ASTN1: variants seen among roughly 807,000 people sequenced by gnomAD.
ASTN1 encodes the protein astrotactin-1.
Under a neutral mutation model 140.7 loss-of-function variants are expected in ASTN1, and 41 were observed. That is an observed-to-expected ratio of 0.29 (90% CI 0.23 to 0.38). ASTN1 has a LOEUF of 0.38. Ranked by LOEUF, ASTN1 falls within the 10% of genes least tolerant of loss-of-function variation. The pLI is 1.00. For synonymous variants in ASTN1, 640 were observed against 652.2 expected, an observed-to-expected ratio of 0.98 and a Z score of 0.29; for missense variants, 1,479 against 1,678.8, an observed-to-expected ratio of 0.88 and a Z score of 2.08.
At chr1:177,082,257 C>T (rs1679216868) in intron 1 of ASTN1, among the ~76,000 whole-genome samples, 1 of 151,874 alleles carries the variant, frequency 6.6e-6, no homozygotes, top group African/African-American at 2.4e-5. Flanking sequence ...AGATGAGGAC[C>T]CCAGGATGAT....
chr1:177,056,395 C>T (rs1180220927), intron 2 of ASTN1, among the ~76,000 whole-genome samples: 1 of 152,066 alleles, frequency 6.6e-6, no homozygotes, highest in Non-Finnish European at 1.5e-5. Flanking sequence ...CAGGCTAAGG[C>T]CTCTGATGGC....
chr1:177,021,237 T>C (rs111294408), intron 7 of ASTN1, among the ~76,000 whole-genome samples: 2 of 152,318 alleles, frequency 1.3e-5, no homozygotes, highest in African/African-American at 4.8e-5. Context: ...TGGGAGATTA[T>C]TTTTAGTCTT....
Position 176,862,050 on chromosome 1 carries a change from G to A in ASTN1, c.*2234C>T. On this transcript the variant is annotated 3_prime_UTR_variant, in exon 23 of 23. Coordinates refer to ENST00000361833, the MANE Select transcript of ASTN1 (RefSeq NM_004319.3). ...GTGTTCTGCACAGATATGAATAGAA[G>A]GATGGCAAAACAGTAGCAGCAAAGA... is the stretch of plus-strand genomic sequence containing the variant. 3.0e-6 allele frequency: 3 copies of A among 985,372 alleles called. No individual in the cohort carries two copies. The highest frequency in any genetic ancestry group is 9.4e-5 in the South Asian group (2 of 21,280). 61.0% of individuals were successfully genotyped at this position (985,372 alleles called of 1,614,324 possible). A position where few individuals can be genotyped will look rare whatever the true frequency, so the allele number is the denominator to read the frequency against.
intron 8 of ASTN1, among the ~76,000 whole-genome samples, chr1:176,983,580 CCTTAT>C (rs1265013116): frequency 6.6e-6 from 1 of 152,124 alleles, no homozygotes; most frequent in African/African-American, 2.4e-5. Context: ...CACTCACTTC[CCTTAT>C]CTTTCCTAGG....
intron 22 of ASTN1, among the ~76,000 whole-genome samples, chr1:176,866,859 T>C (rs1010124468): frequency 1.3e-5 from 2 of 152,176 alleles, no homozygotes; most frequent in Non-Finnish European, 2.9e-5. Flanking sequence ...CATAGACCCT[T>C]TTCTACTCAT....
At chr1:177,055,042 A>G (rs1475476385) in intron 2 of ASTN1, among the ~76,000 whole-genome samples, 2 of 152,202 alleles carry the variant, frequency 1.3e-5, no homozygotes, top group African/African-American at 4.8e-5. Flanking sequence ...GTACAACTCT[A>G]TTACAGAGAA....
At chr1:176,922,556 CAAAAAAAA>C (rs71129589) in intron 16 of ASTN1, among the ~76,000 whole-genome samples, 57 of 77,598 alleles carry the variant, frequency 7.3e-4, no homozygotes, top group African/African-American at 2.7e-3. Flanking sequence ...GCCCCCACTG[CAAAAAAAA>C]AAAAAAAAAA....
intron 14 of ASTN1, among the ~76,000 whole-genome samples, chr1:176,939,259 C>T (rs1232188040): frequency 3.9e-5 from 6 of 152,182 alleles, no homozygotes; most frequent in Non-Finnish European, 8.8e-5. Flanking sequence ...TTAATTGGTG[C>T]TTTTGTTATA....
At chr1:177,005,304 T>C (rs1428064125) in intron 8 of ASTN1, among the ~76,000 whole-genome samples, 1 of 152,136 alleles carries the variant, frequency 6.6e-6, no homozygotes, top group Non-Finnish European at 1.5e-5. Context: ...AGAATGGCCA[T>C]TATTAAAAAG....
intron 7 of ASTN1, among the ~76,000 whole-genome samples, chr1:177,015,177 G>T (rs1308254134): frequency 6.6e-6 from 1 of 152,060 alleles, no homozygotes; most frequent in Non-Finnish European, 1.5e-5. Flanking sequence ...TTGAGGAAAA[G>T]GACTTTTTCA....
intron 1 of ASTN1, among the ~76,000 whole-genome samples, chr1:177,100,788 G>A (rs1442726522): frequency 6.6e-6 from 1 of 152,064 alleles, no homozygotes; most frequent in Non-Finnish European, 1.5e-5. Context: ...TAACATAACC[G>A]TTCCTTTAAA....
At chr1:177,071,928 C>T (rs1043037737) in intron 1 of ASTN1, among the ~76,000 whole-genome samples, 1 of 152,142 alleles carries the variant, frequency 6.6e-6, no homozygotes, top group African/African-American at 2.4e-5. Context: ...ATTATCATCC[C>T]TGTGTTACAA....
At chr1:177,066,232 G>A (rs1051177570) in intron 1 of ASTN1, among the ~76,000 whole-genome samples, 20 of 152,124 alleles carry the variant, frequency 1.3e-4, no homozygotes, top group Non-Finnish European at 2.8e-4. Flanking sequence ...CCAGAGCCAG[G>A]CCATGTTCCC....
At chr1:176,881,320 GTATTGGCCTCGGTC>G (rs2103025017) in intron 20 of ASTN1, among the ~76,000 whole-genome samples, 1 of 152,332 alleles carries the variant, frequency 6.6e-6, no homozygotes, top group African/African-American at 2.4e-5. Context: ...GTGAGAGACG[GTATTGGCCTCGGTC>G]TCTGATCAGA....
intron 8 of ASTN1, among the ~76,000 whole-genome samples, chr1:176,991,327 C>T (rs187861927): frequency 9.6e-4 from 144 of 150,314 alleles, no homozygotes; most frequent in African/African-American, 3.4e-3. Flanking sequence ...GCAGGAGAAT[C>T]GCTTGAACCT....
intron 1 of ASTN1, among the ~76,000 whole-genome samples, chr1:177,128,867 A>G (rs1431260394): frequency 6.6e-6 from 1 of 152,224 alleles, no homozygotes; most frequent in Non-Finnish European, 1.5e-5. Context: ...TCCACTCTGT[A>G]TATGACATGA....
In ASTN1 at chr1:176,862,388, G is replaced by A. The variant is rs1383825414; in HGVS notation, c.*1896C>T. 2 of 985,324 alleles carry A rather than the reference G, an allele frequency of 2.0e-6. No homozygotes were observed. The highest frequency in any genetic ancestry group is 2.4e-6 in the Non-Finnish European group (2 of 829,982). 61.0% of individuals were successfully genotyped at this position (985,324 alleles called of 1,614,324 possible). On this transcript the variant is annotated 3_prime_UTR_variant, in exon 23 of 23. Transcript: ENST00000361833. ...GAGGGCCATGTGCAGTGGAACTAGGGGTCCCAAGGGTGCTCTAGCTCCAAA... is the reference window on the plus strand; with the variant it reads ...GAGGGCCATGTGCAGTGGAACTAGGAGTCCCAAGGGTGCTCTAGCTCCAAA...
At chr1:176,875,208 G>A (rs993763375) in intron 21 of ASTN1, among the ~76,000 whole-genome samples, 1 of 152,108 alleles carries the variant, frequency 6.6e-6, no homozygotes, top group African/African-American at 2.4e-5. Context: ...TCTAGGTAAT[G>A]GGACCAATGT....
At chr1:176,988,266 G>A (rs1255064701) in intron 8 of ASTN1, among the ~76,000 whole-genome samples, 1 of 147,102 alleles carries the variant, frequency 6.8e-6, no homozygotes, top group Non-Finnish European at 1.5e-5. Context: ...AGGGAACAAA[G>A]GACCCTGCCA....
Sources: allele counts gnomAD v4.1 joint callset (sites outside exome capture counted in the v4.1 genomes callset), GRCh38; gene constraint gnomAD v4.1.1; transcripts MANE v1.5; gene names NCBI Gene and HGNC (gene_info 2026-07-23, HGNC 2026-07-21).